The following SYT7 variants were observed in gnomAD, a reference collection of about 807,000 sequenced individuals.
The protein encoded by SYT7 is synaptotagmin-7.
A neutral mutation model predicts 75.1 loss-of-function variants in SYT7; 29 were observed. The ratio of observed to expected loss-of-function variants is 0.39; its 90% confidence interval spans 0.29 to 0.53. The LOEUF (loss-of-function observed/expected upper bound fraction) is 0.53. SYT7 is among the 20% of genes least tolerant of loss of function. SYT7 has a pLI of 0.77. For missense variants in SYT7, 693 were observed against 953.2 expected, an observed-to-expected ratio of 0.73 and a Z score of 3.59; for synonymous variants, 376 against 401.7, an observed-to-expected ratio of 0.94 and a Z score of 0.76.
chr11:61,515,562 C>T lies in SYT7; in HGVS notation c.*3065G>A, dbSNP rs2062129290. The T allele has an allele frequency of 6.7e-6, 1 of 150,372 alleles. No homozygotes were observed. Among genetic ancestry groups the T allele is most frequent in the South Asian group, 2.1e-4 (1 of 4,770 alleles). The allele number at this position is 150,372 out of a possible 1,614,324, so 9.3% of individuals were successfully genotyped here. On this transcript the variant is annotated 3_prime_UTR_variant, in exon 13 of 13. Transcript: ENST00000539008. ...TTTTATTTTTTATAAAACACTTGCA[C>T]TCAAGAACATACAAACAGTGGCCAC...
At chr11:61,586,081 T>G (rs1409810386), upstream of SYT7, among the ~76,000 whole-genome samples, 2 of 152,152 alleles carry the variant, frequency 1.3e-5, no homozygotes, top group African/African-American at 2.4e-5. Flanking sequence ...TCAGGCCATG[T>G]TACAGGGCCA....
At chr11:61,541,384 G>C in intron 6 of SYT7, 3 of 789,908 alleles carry the variant, frequency 3.8e-6, no homozygotes, top group South Asian at 5.8e-5. Flanking sequence ...AGAGTGGGGG[G>C]CAGATGTCCA....
intron 2 of SYT7, among the ~76,000 whole-genome samples, chr11:61,555,873 T>C (rs431631): frequency 0.071 from 10,799 of 152,214 alleles, 509 homozygotes; most frequent in Non-Finnish European, 0.11. Context: ...GCTTTGGGTA[T>C]ATAAACAGAA....
At chr11:61,563,911 C>T (rs1216377853) in intron 1 of SYT7, among the ~76,000 whole-genome samples, 1 of 152,230 alleles carries the variant, frequency 6.6e-6, no homozygotes, top group African/African-American at 2.4e-5. Context: ...GTCTGGTACA[C>T]AGGAGAGGTT....
chr11:61,557,903 A>C (rs2063538906), intron 1 of SYT7, among the ~76,000 whole-genome samples: 1 of 152,218 alleles, frequency 6.6e-6, no homozygotes, highest in South Asian at 2.1e-4. Flanking sequence ...CAAGCTTCCA[A>C]GGGAGAATAG....
intron 8 of SYT7, among the ~76,000 whole-genome samples, chr11:61,530,336 C>A (rs1163527161): frequency 3.9e-5 from 6 of 152,176 alleles, no homozygotes; most frequent in African/African-American, 1.2e-4. Context: ...CTTGGCCGAT[C>A]CAGACAAACC....
At chr11:61,579,584 C>T (rs1384838910) in intron 1 of SYT7, among the ~76,000 whole-genome samples, 2 of 152,178 alleles carry the variant, frequency 1.3e-5, no homozygotes, top group Non-Finnish European at 2.9e-5. Context: ...TGAGGCTGCC[C>T]CTAGAGGGGA....
rs1787438971 is a variant in SYT7 at position 61,524,003 on chromosome 11, G to T, written c.1642-62C>A. The T allele has an allele frequency of 2.7e-6, 4 of 1,495,154 alleles. No individual in the cohort carries two copies. Among genetic ancestry groups the T allele is most frequent in the African/African-American group, 2.8e-5 (2 of 72,370 alleles). The allele number at this position is 1,495,154 out of a possible 1,614,324, so 92.6% of individuals were successfully genotyped here. ...CTAGCAGAGCTCTCTGATTGGCCTAGCTGCCCCCAGGTCCCCTCTACCCTG... is the reference window on the plus strand; with the variant it reads ...CTAGCAGAGCTCTCTGATTGGCCTATCTGCCCCCAGGTCCCCTCTACCCTG... On this transcript the variant is annotated intron_variant, in intron 10 of 12. Transcript: ENST00000539008. The surrounding 1 kb of genome is among the most constrained non-coding windows in gnomAD (Gnocchi z 4.1).
intron 7 of SYT7, among the ~76,000 whole-genome samples, chr11:61,534,632 C>T (rs770072072): frequency 2.6e-5 from 4 of 152,164 alleles, no homozygotes; most frequent in Admixed American, 6.5e-5. Context: ...AGGCATGCCA[C>T]GTGTGCACGT....
At chr11:61,547,345 A>C in intron 3 of SYT7, 37 bp from the exon 4 acceptor site, 1 of 1,533,182 alleles carries the variant, frequency 6.5e-7, no homozygotes, top group Non-Finnish European at 8.7e-7. Context: ...AAACAGGGAG[A>C]TACAAGAAGA....
intron 7 of SYT7, among the ~76,000 whole-genome samples, chr11:61,535,252 C>T (rs2062836044): frequency 1.3e-5 from 2 of 152,040 alleles, no homozygotes; most frequent in Admixed American, 6.6e-5. Flanking sequence ...GCCGGGTGGA[C>T]GAGGGGACAG....
Position 61,517,147 on chromosome 11 carries a change from C to T in SYT7, c.*1480G>A, listed in dbSNP as rs1215880891. The T allele has an allele frequency of 1.8e-5, 7 of 397,384 alleles. No homozygotes were observed. Among genetic ancestry groups the T allele is most frequent in the East Asian group, 3.6e-5 (1 of 28,066 alleles). The allele number at this position is 397,384 out of a possible 1,614,324, so 24.6% of individuals were successfully genotyped here. Reference sequence around the variant, plus strand: ...GGAATGTCAGGCCCAGGCTCGTGGACCCCCAGGATTGGAGGCTTTGTCACC... The same window carrying T: ...GGAATGTCAGGCCCAGGCTCGTGGATCCCCAGGATTGGAGGCTTTGTCACC... On this transcript the variant is annotated 3_prime_UTR_variant, in exon 13 of 13. Coordinates refer to ENST00000539008, the MANE Select transcript of SYT7 (RefSeq NM_001365809.2).
At chr11:61,533,279 G>C in intron 7 of SYT7, 155 bp from the exon 8 acceptor site, 1 of 985,446 alleles carries the variant, frequency 1.0e-6, no homozygotes, top group Non-Finnish European at 1.2e-6. Context: ...TGGACACCTG[G>C]TTTTCCCTGG....
rs574208646 is a variant in SYT7, at chr11:61,515,127, T to C, written c.*3500A>G. Among the ~76,000 whole-genome samples the C allele has an allele frequency of 1.4e-4, 22 of 152,324 alleles. No homozygotes were observed. Among genetic ancestry groups the C allele is most frequent in the African/African-American group, 3.8e-4 (16 of 41,574 alleles). ...GCTTTCTGGGAAGCCAGTGGGATCA[T>C]ATTCTATAGAGATCTGAGGATGGCT... is the stretch of plus-strand genomic sequence containing the variant. On this transcript the variant is annotated 3_prime_UTR_variant, in exon 13 of 13. Coordinates refer to ENST00000539008, the MANE Select transcript of SYT7 (RefSeq NM_001365809.2).
At chr11:61,585,687 C>T (rs2064372194), upstream of SYT7, among the ~76,000 whole-genome samples, 1 of 152,174 alleles carries the variant, frequency 6.6e-6, no homozygotes, top group Admixed American at 6.5e-5. Flanking sequence ...TCTATTGCCT[C>T]CTCTCGCCAG....
At chr11:61,530,091 G>A (rs534668831) in intron 8 of SYT7, among the ~76,000 whole-genome samples, 1 of 152,296 alleles carries the variant, frequency 6.6e-6, no homozygotes, top group Non-Finnish European at 1.5e-5. Context: ...ACAGTTTCCC[G>A]GTGTTCCAAC....
chr11:61,526,258 G>A (rs960482197), intron 9 of SYT7: 1 of 152,142 alleles, frequency 6.6e-6, no homozygotes. Flanking sequence ...AGCCTCCCAG[G>A]GACCTTGCCC....
Position 61,533,201 on chromosome 11 carries a change from G to A in SYT7, c.1065-77C>T, listed in dbSNP as rs1216701316. On this transcript the variant is annotated intron_variant, in intron 7 of 12. Coordinates refer to ENST00000539008, the MANE Select transcript of SYT7 (RefSeq NM_001365809.2). ...GGCACCCCGGCCTGGGGGGTGGCAG[G>A]ACCTTCTCTGAAGACCCCAGCAGCT... 5 of 1,493,224 alleles carry A rather than the reference G, an allele frequency of 3.3e-6. No homozygotes were observed. In the African/African-American group the frequency reaches 5.6e-5, roughly 17 times the overall value. The allele number at this position is 1,493,224 out of a possible 1,614,324, so 92.5% of individuals were successfully genotyped here.
intron 1 of SYT7, among the ~76,000 whole-genome samples, chr11:61,564,912 C>A (rs889253356): frequency 1.2e-4 from 19 of 152,150 alleles, no homozygotes; most frequent in Non-Finnish European, 2.4e-4. Flanking sequence ...AGGTTGGGGG[C>A]TGGGTATCTG....
Sources: gnomAD v4.1 joint callset for allele counts (sites outside exome capture counted in the v4.1 genomes callset) on GRCh38, gnomAD v4.1.1 for gene constraint, Gnocchi (gnomAD v3.1) non-coding constraint, MANE v1.5 for transcripts, NCBI Gene and HGNC (gene_info 2026-07-23, HGNC 2026-07-21) for gene names.